The following SLC9A9 variants were observed in gnomAD, a reference collection of about 807,000 sequenced individuals.
The protein encoded by SLC9A9 is solute carrier family 9 member A9.
Under a neutral mutation model 77.8 loss-of-function variants are expected in SLC9A9, and 62 were observed. The ratio of observed to expected loss-of-function variants is 0.80; its 90% CI spans 0.65 to 0.98. SLC9A9 has a LOEUF of 0.98. SLC9A9 is among the 50% of genes least tolerant of loss of function. SLC9A9 has a pLI of 0.00. For synonymous variants in SLC9A9, 320 were observed against 283.5 expected (o/e 1.13, Z -1.29); for missense variants, 775 against 774.9 (o/e 1.00, Z 0.00).
At chr3:143,544,160 G>T (rs2036743293) in intron 9 of SLC9A9, among the ~76,000 whole-genome samples, 1 of 152,166 alleles carries the variant, frequency 6.6e-6, no homozygotes, top group South Asian at 2.1e-4. Context: ...TTGGCCACTT[G>T]TATGTTTTCT....
At chr3:143,670,285 A>G (rs1299756752) in intron 5 of SLC9A9, among the ~76,000 whole-genome samples, 1 of 152,140 alleles carries the variant, frequency 6.6e-6, no homozygotes, top group Non-Finnish European at 1.5e-5. Flanking sequence ...GAATGTGTAT[A>G]TTTTCCAAAT....
rs560930889 is a variant in SLC9A9 at position 143,564,277 on chromosome 3, T to C, written c.1000+9811A>G. 3.9e-5 allele frequency among the ~76,000 whole-genome samples: 6 copies of C among 152,332 alleles called. No homozygotes were observed. In the East Asian group the frequency reaches 9.6e-4, roughly 24 times the overall value. On this transcript the variant is annotated intron_variant, in intron 8 of 15. Coordinates refer to ENST00000316549, the MANE Select transcript of SLC9A9 (RefSeq NM_173653.4). ...ATTAAAAGTTGATGAAGCCGTCAGA[T>C]ACAGAAGTAGAAAATAAGTGTCTGT...
chr3:143,359,863 GGGATTCCTTCAT>G (rs760949769), intron 14 of SLC9A9, among the ~76,000 whole-genome samples: 74 of 152,274 alleles, frequency 4.9e-4, no homozygotes, highest in Non-Finnish European at 8.7e-4. Context: ...TCAGAAGTCG[GGGATTCCTTCAT>G]GGTGGTGCTT....
At chr3:143,617,769 G>A (rs2108707891) in intron 6 of SLC9A9, among the ~76,000 whole-genome samples, 1 of 152,256 alleles carries the variant, frequency 6.6e-6, no homozygotes, top group South Asian at 2.1e-4. Flanking sequence ...TAGCCCTGTA[G>A]GAATCTAAGT....
chr3:143,295,246 A>G (rs1413590170), intron 14 of SLC9A9, among the ~76,000 whole-genome samples: 3 of 152,182 alleles, frequency 2.0e-5, no homozygotes, highest in Non-Finnish European at 4.4e-5. Flanking sequence ...GATGTCTGCA[A>G]TTCTCCCCTT....
chr3:143,530,422 T>C (rs376882937), intron 9 of SLC9A9, among the ~76,000 whole-genome samples: 2 of 152,116 alleles, frequency 1.3e-5, no homozygotes, highest in African/African-American at 4.8e-5. Context: ...CTTGCCACAG[T>C]GTAAGACTTG....
At chr3:143,518,201 C>T (rs1261356773) in intron 9 of SLC9A9, 10 of 1,598,566 alleles carry the variant, frequency 6.3e-6, no homozygotes, top group South Asian at 1.1e-5. Context: ...CACAAAGGCC[C>T]GAAGCTTGTT....
chr3:143,666,318 A>G (rs547073702), intron 5 of SLC9A9, among the ~76,000 whole-genome samples: 39 of 152,354 alleles, frequency 2.6e-4, no homozygotes, highest in African/African-American at 8.2e-4. Context: ...TAAACTAGGT[A>G]TTGATGGGAC....
chr3:143,607,359 T>C (rs1489699395), intron 6 of SLC9A9, among the ~76,000 whole-genome samples: 1 of 152,072 alleles, frequency 6.6e-6, no homozygotes, highest in East Asian at 1.9e-4. Flanking sequence ...GCATGAAGCA[T>C]TGTTAAGCAA....
At chr3:143,742,851 A>C (rs923053266) in intron 4 of SLC9A9, among the ~76,000 whole-genome samples, 2 of 152,120 alleles carry the variant, frequency 1.3e-5, no homozygotes, top group African/African-American at 4.8e-5. Flanking sequence ...GTTTGTTTGT[A>C]ATGGAAACTC....
Position 143,394,914 on chromosome 3 carries a change from G to T in SLC9A9, c.1470-12800C>A, listed in dbSNP as rs548035152. ...AAGGGATGTGAAGGACCTCTTCAAG[G>T]AGAGCTACAAACCACTGCTCAGTGA... is the stretch of plus-strand genomic sequence containing the variant. On this transcript the variant is annotated intron_variant, in intron 12 of 15. Transcript: ENST00000316549. Among the ~76,000 whole-genome samples, 558 of 152,232 alleles carry T rather than the reference G, an allele frequency of 3.7e-3. 3 individuals are homozygous for T. The highest frequency in any genetic ancestry group is 0.013 in the African/African-American group (546 of 41,524).
At chr3:143,673,700 T>G (rs2108767248) in intron 5 of SLC9A9, among the ~76,000 whole-genome samples, 1 of 152,004 alleles carries the variant, frequency 6.6e-6, no homozygotes, top group South Asian at 2.1e-4. Flanking sequence ...AAACAGAGAC[T>G]AGTAGAAAAG....
At chr3:143,523,592 A>C (rs1337729613) in intron 9 of SLC9A9, among the ~76,000 whole-genome samples, 4 of 152,186 alleles carry the variant, frequency 2.6e-5, no homozygotes, top group African/African-American at 9.7e-5. Context: ...GAACTTGTGA[A>C]CTTGAAGTCC....
At chr3:143,722,330 G>A (rs1016871100) in intron 4 of SLC9A9, among the ~76,000 whole-genome samples, 1 of 151,858 alleles carries the variant, frequency 6.6e-6, no homozygotes, top group South Asian at 2.1e-4. Flanking sequence ...AAAATTAGCC[G>A]GGCGTAGTGG....
chr3:143,666,342 A>T (rs928085512), intron 5 of SLC9A9, among the ~76,000 whole-genome samples: 2 of 152,218 alleles, frequency 1.3e-5, no homozygotes, highest in African/African-American at 4.8e-5. Context: ...TCTCAAAATA[A>T]TAAGAGCTAT....
intron 11 of SLC9A9, among the ~76,000 whole-genome samples, chr3:143,469,079 G>A (rs569090791): frequency 6.6e-6 from 1 of 152,316 alleles, no homozygotes; most frequent in East Asian, 1.9e-4. Flanking sequence ...AGAATTGCTT[G>A]AACCTGGGAG....
intron 13 of SLC9A9, among the ~76,000 whole-genome samples, chr3:143,374,422 C>CAAAAAAAAAAAA (rs34787603): frequency 7.4e-5 from 5 of 67,454 alleles, no homozygotes; most frequent in Non-Finnish European, 1.1e-4. Flanking sequence ...GACTCTGTCT[C>CAAAAAAAAAAAA]AAAAAAAAAA....
chr3:143,811,811 A>G (rs1311428968), intron 2 of SLC9A9: 8 of 434,358 alleles, frequency 1.8e-5, no homozygotes, highest in Non-Finnish European at 3.7e-5. Context: ...GCAGTGAGCC[A>G]GGATTGCATC....
At chr3:143,321,890 C>T (rs1403105299) in intron 14 of SLC9A9, among the ~76,000 whole-genome samples, 1 of 152,168 alleles carries the variant, frequency 6.6e-6, no homozygotes, top group Non-Finnish European at 1.5e-5. Flanking sequence ...AGAGTCTCTT[C>T]CCAGGTAAGT....
Sources: gnomAD v4.1 joint callset for allele counts (sites outside exome capture counted in the v4.1 genomes callset) on GRCh38, gnomAD v4.1.1 for gene constraint, MANE v1.5 for transcripts, NCBI Gene and HGNC (gene_info 2026-07-23, HGNC 2026-07-21) for gene names.